The following CD5 variants were observed in gnomAD, a reference collection of about 807,000 sequenced individuals.
The protein encoded by CD5 is T-cell surface glycoprotein CD5.
In CD5, 36 loss-of-function variants were observed where a neutral mutation model predicts 60.3. The ratio of observed to expected loss-of-function variants is 0.60; its 90% CI spans 0.46 to 0.79. The LOEUF (loss-of-function observed/expected upper bound fraction) is 0.79, where lower values mean the gene tolerates loss of function less well. CD5 is among the 30% of genes least tolerant of loss of function. The probability of loss-of-function intolerance (pLI) is 0.00; values close to 1 mark genes in which losing one functional copy is unlikely to be tolerated. For missense variants in CD5, 540 were observed against 630.6 expected (o/e 0.86, Z 1.54); for synonymous variants, 230 against 257.6 (o/e 0.89, Z 1.03).
chr11:61,126,680 AGTT>A lies in CD5; in HGVS notation c.*396_*398del, dbSNP rs1282094447. ...ACAGCTGGGCGAGTGCATTTTGAATAGTTTTTTGTAAGTAGTGCTTTTCCTCCT... is the reference window on the plus strand; with the variant it reads ...ACAGCTGGGCGAGTGCATTTTGAATATTTTGTAAGTAGTGCTTTTCCTCCT... On this transcript the variant is annotated 3_prime_UTR_variant, in exon 11 of 11. Coordinates refer to ENST00000347785, the MANE Select transcript of CD5 (RefSeq NM_014207.4). 6.6e-6 allele frequency: 1 copy of A among 152,268 alleles called. No individual in the cohort carries two copies. Among genetic ancestry groups the A allele is most frequent in the Admixed American group, 6.5e-5 (1 of 15,288 alleles). 9.4% of individuals were successfully genotyped at this position (152,268 alleles called of 1,614,324 possible).
In CD5 at chr11:61,118,994, C is replaced by A; in HGVS notation, c.463+17C>A. On this transcript the variant is annotated intron_variant, in intron 4 of 10. Coordinates refer to ENST00000347785, the MANE Select transcript of CD5 (RefSeq NM_014207.4). This position sits in a 1 kb window ranked among gnomAD's most constrained non-coding sequence, Gnocchi z 4.7. Reference sequence around the variant, plus strand: ...AGCCCACAGGTAAGAGGATTCTGAACCCCCCACAGGGAGTCAGAGCTAGCA... The same window carrying A: ...AGCCCACAGGTAAGAGGATTCTGAAACCCCCACAGGGAGTCAGAGCTAGCA... The A allele has an allele frequency of 1.3e-6, 2 of 1,599,956 alleles. No individual in the cohort carries two copies. The highest frequency in any genetic ancestry group is 1.7e-6 in the Non-Finnish European group (2 of 1,169,270).
intron 2 of CD5, among the ~76,000 whole-genome samples, chr11:61,116,251 G>C (rs530988075): frequency 6.6e-6 from 1 of 152,176 alleles, no homozygotes; most frequent in Admixed American, 6.5e-5. Flanking sequence ...CTGTAGTGAA[G>C]AGTCTCACTT....
intron 1 of CD5, among the ~76,000 whole-genome samples, chr11:61,106,151 C>T (rs919007007): frequency 1.3e-4 from 19 of 148,094 alleles, no homozygotes; most frequent in Admixed American, 6.0e-4. Context: ...AAAAGGCACC[C>T]GAAATATTTA....
chr11:61,102,406 T>C (rs529459761), upstream of CD5: 1,920 of 611,526 alleles, frequency 3.1e-3, 7 homozygotes, highest in Non-Finnish European at 4.5e-3. Context: ...ACTTCAAACA[T>C]GGGTGACGCA....
intron 1 of CD5, among the ~76,000 whole-genome samples, chr11:61,112,816 C>T (rs1860876984): frequency 6.6e-6 from 1 of 152,244 alleles, no homozygotes; most frequent in Non-Finnish European, 1.5e-5. Context: ...AAACTTATCA[C>T]ATGGCCATGA....
At chr11:61,099,672 A>AC (rs1860632483), upstream of CD5, among the ~76,000 whole-genome samples, 2 of 151,652 alleles carry the variant, frequency 1.3e-5, no homozygotes, top group Non-Finnish European at 2.9e-5. Context: ...ACACATCAAC[A>AC]TGGAGATCAA....
chr11:61,107,505 G>A (rs983542074), intron 1 of CD5, among the ~76,000 whole-genome samples: 6 of 152,200 alleles, frequency 3.9e-5, no homozygotes, highest in Admixed American at 6.5e-5. Context: ...CTTAACACAC[G>A]CAGTGAGGCC....
intron 2 of CD5, among the ~76,000 whole-genome samples, chr11:61,115,820 C>T (rs190142233): frequency 1.3e-5 from 2 of 152,302 alleles, no homozygotes; most frequent in East Asian, 3.9e-4. Context: ...TGACAGGGGC[C>T]TTGGCAGGCC....
At chr11:61,100,240 ACACACACACATCAACATGGAGAT>A (rs1395021035), upstream of CD5, among the ~76,000 whole-genome samples, 1,263 of 144,538 alleles carry the variant, frequency 8.7e-3, 47 homozygotes, top group African/African-American at 0.032. Context: ...CATGGAGATC[ACACACACACATCAACATGGAGAT>A]CACACACACA....
the CD5 span, among the ~76,000 whole-genome samples, chr11:61,097,357 G>C: frequency 2.0e-5 from 3 of 152,196 alleles, no homozygotes; most frequent in African/African-American, 7.2e-5. Flanking sequence ...TGCATAGCTA[G>C]AGAAGGAAAA....
intron 1 of CD5, among the ~76,000 whole-genome samples, chr11:61,109,032 A>G (rs1163993032): frequency 6.6e-6 from 1 of 152,196 alleles, no homozygotes; most frequent in Non-Finnish European, 1.5e-5. Context: ...GGAGTGAGCC[A>G]GAGGCAGGGG....
intron 6 of CD5, 134 bp from the exon 7 acceptor site, chr11:61,122,773 T>C (rs1861086144): frequency 2.1e-6 from 2 of 949,508 alleles, no homozygotes; most frequent in Non-Finnish European, 1.6e-6. Flanking sequence ...AAATAGATCA[T>C]TGCCTTCCGT....
At chr11:61,114,187 C>T (rs1476004394) in intron 1 of CD5, among the ~76,000 whole-genome samples, 1 of 152,130 alleles carries the variant, frequency 6.6e-6, no homozygotes, top group Non-Finnish European at 1.5e-5. Flanking sequence ...TCATAGCTCA[C>T]TGCAGGGTCC....
At chr11:61,122,067 A>C (rs1324494130) in intron 6 of CD5, among the ~76,000 whole-genome samples, 163 bp downstream of exon 6, 2 of 152,206 alleles carry the variant, frequency 1.3e-5, no homozygotes, top group Non-Finnish European at 2.9e-5. Context: ...AGGGAGCAAG[A>C]GTACTCAGAC....
chr11:61,102,546 A>G lies in CD5; in HGVS notation c.-15A>G. On this transcript the variant is annotated 5_prime_UTR_variant, in exon 1 of 11. Transcript: ENST00000347785. ...GCCCAGCTGCCCAGGCTGAGGCAAGAGAAGGCCAGAAACCATGCCCATGGG... is the reference window on the plus strand; with the variant it reads ...GCCCAGCTGCCCAGGCTGAGGCAAGGGAAGGCCAGAAACCATGCCCATGGG... 6.4e-7 allele frequency: 1 copy of G among 1,574,018 alleles called. No homozygotes were observed. Among genetic ancestry groups the G allele is most frequent in the Non-Finnish European group, 8.6e-7 (1 of 1,158,888 alleles).
rs376922468 is a variant in CD5 at position 61,121,688 on chromosome 11, G to T, written c.883G>T (p.Ala295Ser). The T allele has an allele frequency of 1.3e-6, 2 of 1,596,624 alleles. No homozygotes were observed. Among genetic ancestry groups the T allele is most frequent in the Non-Finnish European group, 1.7e-6 (2 of 1,167,892 alleles). The change falls in exon 6 of 11, where the codon GCT becomes TCT. Residue 295 changes from alanine (A) to serine (S), a missense_variant. By Grantham distance (99) the Ala-to-Ser change is moderately conservative. Coordinates refer to ENST00000347785, the MANE Select transcript of CD5 (RefSeq NM_014207.4). ...AGGCACCGTGGAGGTGCGCCAGGGG[G>T]CTCAGTGGGCAGCCCTGTGTGACAG... ...CEGTVEVRQG[A>S]QWAALCDSSS... is the part of the protein sequence containing the mutation.
chr11:61,116,908 ACATAT>A (rs1232449799), intron 2 of CD5, among the ~76,000 whole-genome samples: 8 of 151,250 alleles, frequency 5.3e-5, no homozygotes, highest in African/African-American at 9.7e-5. Context: ...CCACACACAC[ACATAT>A]ATTTTTCCCC....
upstream of CD5, among the ~76,000 whole-genome samples, chr11:61,099,479 C>T (rs28971954): frequency 0.046 from 895 of 19,548 alleles, 3 homozygotes; most frequent in African/African-American, 0.13. Context: ...ACATGGAGAT[C>T]ACACACACAT....
At position 61,115,077 on chromosome 11, in the gene CD5, T is replaced by G; in HGVS notation, c.77T>G (p.Leu26Arg). 1 of 1,558,694 alleles carries G rather than the reference T, an allele frequency of 6.4e-7. No homozygotes were observed. The highest frequency in any genetic ancestry group is 1.2e-5 in the South Asian group (1 of 84,508). The change falls in exon 2 of 11, where the codon CTC becomes CGC. Residue 26 changes from leucine (L) to arginine (R), a missense_variant. Physicochemically the swap from Leu to Arg is moderately radical, Grantham distance 102. Coordinates refer to ENST00000347785, the MANE Select transcript of CD5 (RefSeq NM_014207.4). ...GCAGTCGCTTCCTGCCTCGGACGGCTCAGCTGGTATGACCCAGGTAAGGAA... is the reference window on the plus strand; with the variant it reads ...GCAGTCGCTTCCTGCCTCGGACGGCGCAGCTGGTATGACCCAGGTAAGGAA... ...GMLVASCLGRLSWYDPDFQAR... is the reference protein window; with the variant it reads ...GMLVASCLGRRSWYDPDFQAR...
Sources: gnomAD v4.1 joint callset for allele counts (sites outside exome capture counted in the v4.1 genomes callset) on GRCh38, gnomAD v4.1.1 for gene constraint, Gnocchi (gnomAD v3.1) non-coding constraint, MANE v1.5 for transcripts, NCBI Gene and HGNC (gene_info 2026-07-23, HGNC 2026-07-21) for gene names.